Variants in VPS13B observed in about 807,000 individuals in gnomAD.
The protein encoded by VPS13B is intermembrane lipid transfer protein VPS13B.
A neutral mutation model predicts 426.4 loss-of-function variants in VPS13B; 285 were observed. The observed-to-expected ratio is 0.67, with a 90% CI of 0.61 to 0.74. VPS13B has a LOEUF of 0.74. VPS13B is among the 30% of genes least tolerant of loss of function. The pLI is 0.00. For missense variants in VPS13B, 4,537 were observed against 4,782.6 expected (o/e 0.95, Z 1.51); for synonymous variants, 1,676 against 1,676.4 (o/e 1.00, Z 0.01).
chr8:99,487,227 T>C (rs2133569991), intron 25 of VPS13B, among the ~76,000 whole-genome samples: 1 of 152,186 alleles, frequency 6.6e-6, no homozygotes, highest in Admixed American at 6.5e-5. Flanking sequence ...AAAGAAAAGA[T>C]ATGTAGCACT....
chr8:99,540,545 C>T (rs1823560659), intron 30 of VPS13B, among the ~76,000 whole-genome samples: 1 of 152,148 alleles, frequency 6.6e-6, no homozygotes, highest in African/African-American at 2.4e-5. Context: ...GCTTTTGCCT[C>T]AGCACATATG....
intron 17 of VPS13B, among the ~76,000 whole-genome samples, chr8:99,196,251 A>G (rs1449288725): frequency 6.6e-6 from 1 of 152,012 alleles, no homozygotes; most frequent in African/African-American, 2.4e-5. Context: ...TTTTTAGTAT[A>G]CAGACCTTTC....
intron 17 of VPS13B, among the ~76,000 whole-genome samples, chr8:99,219,448 A>G (rs940343573): frequency 2.2e-4 from 34 of 152,224 alleles, no homozygotes; most frequent in Non-Finnish European, 7.3e-5. Context: ...TTTCTCCCCA[A>G]GGGATGTGTC....
At chr8:99,132,177 G>A (rs139757737) in intron 8 of VPS13B, among the ~76,000 whole-genome samples, 5 of 152,268 alleles carry the variant, frequency 3.3e-5, no homozygotes, top group South Asian at 2.1e-4. Context: ...CATTACAGGC[G>A]TGAGCCACTG....
rs745701349 is a variant in VPS13B at position 99,868,343 on chromosome 8, AG to A, written c.11272del (p.Ala3758HisfsTer95). 1 of 1,614,162 alleles carries A rather than the reference AG, an allele frequency of 6.2e-7. No homozygotes were observed. On this transcript the variant is annotated frameshift_variant, in exon 59 of 62. Transcript: ENST00000357162. LOFTEE classifies it high-confidence loss of function. ...ATGCAGAACTTCCAGAAAACATCTG[AG>A]GCACAGGCTTCAGCAGGACACAAGG... ...QPMQNFQKTS[E>X]AQASAGHKAK...
In VPS13B at chr8:99,111,204, A is replaced by G; in HGVS notation, c.687A>G (p.Leu229=). ...GKIEFYQDPL[L]YKCSFRTRLH... ...TAGAATTTTACCAGGATCCTTTATT[A>G]TACAAATGTTCCTTCAGAACTCGTC... Residue 229 remains leucine (L), a synonymous_variant, in exon 6 of 62, where the codon TTA becomes TTG. Transcript: ENST00000357162. 6.2e-7 allele frequency: 1 copy of G among 1,603,846 alleles called. No individual in the cohort carries two copies. Among genetic ancestry groups the G allele is most frequent in the South Asian group, 1.1e-5 (1 of 88,532 alleles).
intron 21 of VPS13B, among the ~76,000 whole-genome samples, chr8:99,410,080 C>G (rs976131601): frequency 2.0e-5 from 3 of 152,158 alleles, no homozygotes; most frequent in Admixed American, 1.3e-4. Context: ...TTTCACCACT[C>G]TACCATTTAT....
chr8:99,135,466 A>G, intron 10 of VPS13B, 130 bp from the exon 11 acceptor site: 1 of 1,232,698 alleles, frequency 8.1e-7, no homozygotes, highest in Non-Finnish European at 1.1e-6. Context: ...GTGGAGCAGC[A>G]GCATTCCTTA....
intron 17 of VPS13B, among the ~76,000 whole-genome samples, chr8:99,257,370 A>G (rs1817799498): frequency 6.6e-6 from 1 of 152,160 alleles, no homozygotes; most frequent in South Asian, 2.1e-4. Flanking sequence ...TCTCGATTTC[A>G]TAGTTAGGTA....
intron 17 of VPS13B, among the ~76,000 whole-genome samples, chr8:99,199,502 C>A (rs898225124): frequency 7.2e-5 from 11 of 152,246 alleles, no homozygotes; most frequent in African/African-American, 2.6e-4. Context: ...CTACGTTTGA[C>A]TGTACACCAC....
At chr8:99,770,182 G>A (rs923871733) in intron 40 of VPS13B, among the ~76,000 whole-genome samples, 10 of 152,184 alleles carry the variant, frequency 6.6e-5, no homozygotes, top group African/African-American at 2.2e-4. Flanking sequence ...TGAGTCATTA[G>A]TTAGGTTCCT....
intron 19 of VPS13B, among the ~76,000 whole-genome samples, chr8:99,298,351 G>T (rs1820159616): frequency 6.6e-6 from 1 of 152,094 alleles, no homozygotes; most frequent in African/African-American, 2.4e-5. Flanking sequence ...AACTGGGTGT[G>T]GTAGCACATG....
chr8:99,054,627 C>A (rs1194388785), intron 3 of VPS13B, among the ~76,000 whole-genome samples: 1 of 152,106 alleles, frequency 6.6e-6, no homozygotes, highest in East Asian at 1.9e-4. Flanking sequence ...TCTAAGAGTT[C>A]ATTGCTTTAT....
chr8:99,502,917 T>G lies in VPS13B; in HGVS notation c.4124T>G (p.Ile1375Arg). 6.2e-7 allele frequency: 1 copy of G among 1,612,396 alleles called. No homozygotes were observed. The highest frequency in any genetic ancestry group is 1.1e-5 in the South Asian group (1 of 91,046). ...GTATATACCAAAGTGAAATGTAAAA[T>G]AGAGAGTTTCAATATTGATCACTAT... ...QDVYTKVKCK[I>R]ESFNIDHYRS... The change falls in exon 27 of 62, where the codon ATA (isoleucine) becomes AGA (arginine). Residue 1375 changes from isoleucine (I) to arginine (R), a missense_variant. Physicochemically the swap from Ile to Arg is moderately conservative, Grantham distance 97 (BLOSUM62 -3). Around this residue, in one of 2 missense-constraint regions of VPS13B, gnomAD observed 4,311 missense variants for 4,474.3 expected, o/e 0.96. Coordinates refer to ENST00000357162, the MANE Select transcript of VPS13B (RefSeq NM_152564.5).
chr8:99,491,483 A>C (rs987305595), intron 25 of VPS13B, among the ~76,000 whole-genome samples: 8 of 152,126 alleles, frequency 5.3e-5, no homozygotes, highest in Non-Finnish European at 1.0e-4. Flanking sequence ...TTTTCCCCAT[A>C]CCTTTCAGGT....
chr8:99,595,825 A>T (rs545705751), intron 33 of VPS13B, among the ~76,000 whole-genome samples: 1 of 152,092 alleles, frequency 6.6e-6, no homozygotes, highest in African/African-American at 2.4e-5. Flanking sequence ...AAATGCAAAT[A>T]ACCCAATTTT....
At chr8:99,870,529 T>C (rs1000914684) in intron 59 of VPS13B, among the ~76,000 whole-genome samples, 7 of 152,192 alleles carry the variant, frequency 4.6e-5, no homozygotes, top group Admixed American at 4.6e-4. Context: ...ACTTTCGGTG[T>C]TTTTGCTTCC....
chr8:99,697,235 G>T, intron 35 of VPS13B: 1 of 572,600 alleles, frequency 1.7e-6, no homozygotes, highest in East Asian at 3.3e-5. Context: ...AGGTCACGCT[G>T]CAGGAGGAGG....
chr8:99,402,512 A>G (rs79566245), intron 21 of VPS13B, among the ~76,000 whole-genome samples: 3,423 of 152,272 alleles, frequency 0.022, 131 homozygotes, highest in African/African-American at 0.076. Context: ...CTTAAGAACT[A>G]CAAGTGAAAA....
Sources: gnomAD v4.1 joint callset for allele counts (sites outside exome capture counted in the v4.1 genomes callset) on GRCh38, gnomAD v4.1.1 for gene constraint, gnomAD v4.1.1 regional missense constraint, MANE v1.5 for transcripts, NCBI Gene and HGNC (gene_info 2026-07-23, HGNC 2026-07-21) for gene names.